The following FAM81A variants were observed in gnomAD, a reference collection of about 807,000 sequenced individuals.
The protein encoded by FAM81A is protein FAM81A.
FAM81A carries 19 observed loss-of-function variants against 46.7 expected under a neutral mutation model. The ratio of observed to expected loss-of-function variants is 0.41; its 90% CI spans 0.28 to 0.60. The LOEUF is 0.60. Among genes scored for constraint, FAM81A ranks in the 20% least tolerant of loss-of-function variants. FAM81A has a pLI of 0.34. For synonymous variants in FAM81A, 183 were observed against 152.9 expected, an observed-to-expected ratio of 1.20 and a Z score of -1.45; for missense variants, 377 against 453.5, an observed-to-expected ratio of 0.83 and a Z score of 1.53.
intron 4 of FAM81A, among the ~76,000 whole-genome samples, chr15:59,493,497 T>C (rs766165518): frequency 6.6e-6 from 1 of 152,186 alleles, no homozygotes; most frequent in African/African-American, 2.4e-5. Flanking sequence ...AGTGATCAAC[T>C]TTTTTGTTAG....
At chr15:59,518,800 T>C (rs2082294683) in intron 8 of FAM81A, among the ~76,000 whole-genome samples, 1 of 152,130 alleles carries the variant, frequency 6.6e-6, no homozygotes, top group Non-Finnish European at 1.5e-5. Context: ...ATTACATGTT[T>C]TTTAAATAAA....
intron 3 of FAM81A, among the ~76,000 whole-genome samples, chr15:59,491,461 G>A (rs2081980639): frequency 6.6e-6 from 1 of 151,914 alleles, no homozygotes; most frequent in South Asian, 2.1e-4. Flanking sequence ...GATGATTAAT[G>A]GGCATTAAAA....
At chr15:59,499,906 G>A (rs1226471444) in intron 4 of FAM81A, among the ~76,000 whole-genome samples, 1 of 146,570 alleles carries the variant, frequency 6.8e-6, no homozygotes, top group Non-Finnish European at 1.5e-5. Flanking sequence ...AGGCTGAAGT[G>A]CAGTGGCATG....
At chr15:59,487,041 A>C (rs1414206496) in intron 3 of FAM81A, among the ~76,000 whole-genome samples, 3 of 151,860 alleles carry the variant, frequency 2.0e-5, no homozygotes, top group African/African-American at 4.8e-5. Context: ...TTAAATAGAA[A>C]GATGAAAAGA....
intron 6 of FAM81A, among the ~76,000 whole-genome samples, chr15:59,511,690 C>T (rs1452523462): frequency 3.9e-5 from 6 of 152,126 alleles, no homozygotes; most frequent in Admixed American, 1.3e-4. Context: ...CTTGCTGTGT[C>T]GCCAGGCTGG....
intron 1 of FAM81A, among the ~76,000 whole-genome samples, chr15:59,441,918 T>C (rs1017918949): frequency 1.3e-5 from 2 of 152,220 alleles, no homozygotes; most frequent in Non-Finnish European, 2.9e-5. Flanking sequence ...ACTGGGCACT[T>C]TCCCCGCGCC....
intron 8 of FAM81A, among the ~76,000 whole-genome samples, chr15:59,517,812 C>T (rs2082283134): frequency 6.6e-6 from 1 of 152,110 alleles, no homozygotes; most frequent in Non-Finnish European, 1.5e-5. Context: ...TTGAATATTT[C>T]ATCAATGTTT....
chr15:59,445,091 G>A (rs762422275), intron 1 of FAM81A: 1 of 152,216 alleles, frequency 6.6e-6, no homozygotes, highest in African/African-American at 2.4e-5. Context: ...TCAGATTTCA[G>A]TGTGGTGAAA....
intron 1 of FAM81A, among the ~76,000 whole-genome samples, chr15:59,399,371 C>T (rs1429862619): frequency 1.3e-5 from 2 of 151,990 alleles, no homozygotes; most frequent in Non-Finnish European, 2.9e-5. Flanking sequence ...AGACTTTATA[C>T]CAAGCACTTT....
At chr15:59,411,987 GA>G (rs1372013429) in intron 2 of FAM81A, among the ~76,000 whole-genome samples, 5 of 135,554 alleles carry the variant, frequency 3.7e-5, no homozygotes, top group Non-Finnish European at 6.3e-5. Flanking sequence ...GGCAGAAAAA[GA>G]AACAAACAAA....
intron 2 of FAM81A, among the ~76,000 whole-genome samples, chr15:59,421,208 G>T (rs2081169460): frequency 6.6e-6 from 1 of 152,172 alleles, no homozygotes; most frequent in South Asian, 2.1e-4. Flanking sequence ...TCGTGTTCTT[G>T]TGCATAGATC....
intron 2 of FAM81A, among the ~76,000 whole-genome samples, chr15:59,410,545 G>GA (rs5812975): frequency 0.96 from 145,416 of 152,128 alleles, 69,886 homozygotes; most frequent in East Asian, 1. Flanking sequence ...TGGACTACGA[G>GA]AAAAAAACCA....
intron 2 of FAM81A, among the ~76,000 whole-genome samples, chr15:59,404,071 C>T (rs1281731695): frequency 6.6e-6 from 1 of 151,816 alleles, no homozygotes; most frequent in African/African-American, 2.4e-5. Context: ...TTAGTAGAGA[C>T]GGGGTTTCAC....
intron 2 of FAM81A, among the ~76,000 whole-genome samples, chr15:59,416,024 C>A (rs535303678): frequency 1.3e-5 from 2 of 152,282 alleles, no homozygotes; most frequent in African/African-American, 4.8e-5. Flanking sequence ...TTAAACAAAT[C>A]TGTTTATATG....
intron 3 of FAM81A, among the ~76,000 whole-genome samples, chr15:59,486,750 A>T (rs1717544539): frequency 6.6e-6 from 1 of 152,180 alleles, no homozygotes; most frequent in Admixed American, 6.6e-5. Context: ...AAGGAAAAAA[A>T]AACTTAGCAT....
chr15:59,407,497 A>G (rs1340207360), intron 2 of FAM81A, among the ~76,000 whole-genome samples: 2 of 151,792 alleles, frequency 1.3e-5, no homozygotes, highest in East Asian at 3.9e-4. Flanking sequence ...GGGTTTCACC[A>G]TGTTAGCCAG....
At chr15:59,496,450 C>A (rs1434986050) in intron 4 of FAM81A, among the ~76,000 whole-genome samples, 2 of 152,110 alleles carry the variant, frequency 1.3e-5, no homozygotes, top group African/African-American at 4.8e-5. Flanking sequence ...ACTAAAAATA[C>A]AAAAATTTGC....
At chr15:59,507,397 A>G in intron 5 of FAM81A, 55 bp downstream of exon 5, 2 of 1,583,008 alleles carry the variant, frequency 1.3e-6, no homozygotes, top group South Asian at 1.2e-5. Flanking sequence ...TTAGCTAAGA[A>G]TAACATGGTG....
intron 5 of FAM81A, among the ~76,000 whole-genome samples, chr15:59,507,955 A>C (rs1325646751): frequency 1.3e-5 from 2 of 152,172 alleles, no homozygotes; most frequent in Non-Finnish European, 2.9e-5. Flanking sequence ...CTTATTTGCT[A>C]TTGTTCGTTT....
Sources: gnomAD v4.1 joint callset for allele counts (sites outside exome capture counted in the v4.1 genomes callset) on GRCh38, gnomAD v4.1.1 for gene constraint, MANE v1.5 for transcripts, NCBI Gene and HGNC (gene_info 2026-07-23, HGNC 2026-07-21) for gene names.